Variants in CELF4 observed in about 807,000 individuals in gnomAD.
The protein encoded by CELF4 is CUGBP Elav-like family member 4, also known as CUG-BP- and ETR-3-like factor 4.
A neutral mutation model predicts 59.9 loss-of-function variants in CELF4; 18 were observed. The observed-to-expected ratio is 0.30, with a 90% CI of 0.21 to 0.45. The LOEUF (loss-of-function observed/expected upper bound fraction) is 0.45, where lower values mean the gene tolerates loss of function less well. Ranked by LOEUF, CELF4 falls within the 20% of genes least tolerant of loss-of-function variation. The pLI is 1.00. For synonymous variants in CELF4, 261 were observed against 267.1 expected (o/e 0.98, Z 0.22); for missense variants, 456 against 689.0 (o/e 0.66, Z 3.79).
chr18:37,413,559 G>A (rs76454268), intron 2 of CELF4, among the ~76,000 whole-genome samples: 2,510 of 152,250 alleles, frequency 0.016, 75 homozygotes, highest in African/African-American at 0.058. Flanking sequence ...TTTGGGCATC[G>A]CCTGTTCTAC....
chr18:37,512,281 G>A (rs1465033591), intron 1 of CELF4, among the ~76,000 whole-genome samples: 6 of 152,330 alleles, frequency 3.9e-5, no homozygotes, highest in African/African-American at 4.8e-5. Context: ...TGTGCTGAGC[G>A]TGATGGGGCC....
chr18:37,541,764 T>G (rs1342441669), intron 1 of CELF4, among the ~76,000 whole-genome samples: 2 of 151,912 alleles, frequency 1.3e-5, no homozygotes, highest in African/African-American at 2.4e-5. Flanking sequence ...TGCTGTTCTC[T>G]CTGCTGGAAG....
chr18:37,369,801 G>A lies in CELF4; in HGVS notation c.370-47920C>T, dbSNP rs75621067. On this transcript the variant is annotated intron_variant, in intron 2 of 12. Transcript: ENST00000420428. ...CTGTTCCAGCCAGGCCAGGCCATAC[G>A]CTCATCTCTGTGTTCATACTCTCTG... is the stretch of plus-strand genomic sequence containing the variant. Among the ~76,000 whole-genome samples the A allele has an allele frequency of 8.9e-3, 1,357 of 152,246 alleles. 30 individuals carry two copies. Among genetic ancestry groups the A allele is most frequent in the African/African-American group, 0.031 (1,308 of 41,530 alleles).
At chr18:37,428,404 C>T (rs1349063801) in intron 2 of CELF4, among the ~76,000 whole-genome samples, 1 of 152,068 alleles carries the variant, frequency 6.6e-6, no homozygotes, top group Non-Finnish European at 1.5e-5. Flanking sequence ...AAGTCACATT[C>T]CTGCTCTGGG....
At chr18:37,291,066 T>A (rs1242885534) in intron 3 of CELF4, among the ~76,000 whole-genome samples, 12 of 152,148 alleles carry the variant, frequency 7.9e-5, no homozygotes, top group African/African-American at 2.7e-4. Flanking sequence ...TGTGCCACGA[T>A]GCCTGGCTAA....
At chr18:37,441,273 CTGTGTGTGTGTGTG>C (rs36008798) in intron 2 of CELF4, among the ~76,000 whole-genome samples, 5 of 143,424 alleles carry the variant, frequency 3.5e-5, no homozygotes, top group South Asian at 4.8e-4. Flanking sequence ...CTCAACAATG[CTGTGTGTGTGTGTG>C]TGTGTGTGTG....
At chr18:37,521,287 C>A (rs1349035008) in intron 1 of CELF4, among the ~76,000 whole-genome samples, 1 of 152,130 alleles carries the variant, frequency 6.6e-6, no homozygotes, top group Non-Finnish European at 1.5e-5. Flanking sequence ...GGCACGAACA[C>A]AAATTAGCAC....
intron 2 of CELF4, among the ~76,000 whole-genome samples, chr18:37,446,151 G>T (rs1042201807): frequency 7.2e-5 from 11 of 152,204 alleles, no homozygotes; most frequent in African/African-American, 2.7e-4. Context: ...TAACGTGGGT[G>T]GTGGGGCTGT....
At chr18:37,473,050 G>A (rs879856525) in intron 2 of CELF4, among the ~76,000 whole-genome samples, 1 of 152,072 alleles carries the variant, frequency 6.6e-6, no homozygotes, top group Non-Finnish European at 1.5e-5. Context: ...ACTACCTTGT[G>A]GGACAGCCCA....
chr18:37,513,797 T>A (rs1233241640), intron 1 of CELF4, among the ~76,000 whole-genome samples: 1 of 152,152 alleles, frequency 6.6e-6, no homozygotes, highest in African/African-American at 2.4e-5. Flanking sequence ...TGCTCCCTCC[T>A]CTATGGAGCC....
intron 2 of CELF4, among the ~76,000 whole-genome samples, chr18:37,433,774 C>T (rs567649870): frequency 2.0e-5 from 3 of 152,188 alleles, no homozygotes; most frequent in East Asian, 3.9e-4. Context: ...TAAGTCTTCA[C>T]GATTCTGTCA....
At chr18:37,297,438 C>T (rs1053135260) in intron 3 of CELF4, among the ~76,000 whole-genome samples, 2 of 152,216 alleles carry the variant, frequency 1.3e-5, no homozygotes, top group Non-Finnish European at 2.9e-5. Flanking sequence ...GCAGCTGGCT[C>T]AGAGCCCTTG....
rs1182047699 is a variant in CELF4, at chr18:37,483,610, C to CA, written c.369+1914dup. On this transcript the variant is annotated intron_variant, in intron 2 of 12. Coordinates refer to ENST00000420428, the MANE Select transcript of CELF4 (RefSeq NM_020180.4). The stretch of plus-strand genomic sequence containing the variant: ...TTCAGAAAAATGCCACTGGATCTCC[C>CA]AGTATGAAGGATTAGCACAGATTAT... Among the ~76,000 whole-genome samples the CA allele has an allele frequency of 6.9e-4, 105 of 152,300 alleles. 1 individual carries two copies. Among genetic ancestry groups the CA allele is most frequent in the African/African-American group, 2.2e-3 (90 of 41,550 alleles).
chr18:37,459,661 C>G (rs993328267), intron 2 of CELF4, among the ~76,000 whole-genome samples: 1 of 152,146 alleles, frequency 6.6e-6, no homozygotes, highest in Admixed American at 6.5e-5. Context: ...TGACCTTGGC[C>G]TCAGAGTCTG....
At chr18:37,547,592 G>C (rs1205730118) in intron 1 of CELF4, among the ~76,000 whole-genome samples, 1 of 152,146 alleles carries the variant, frequency 6.6e-6, no homozygotes, top group Non-Finnish European at 1.5e-5. Context: ...GTGGGTTGAC[G>C]CAGAAGGGAG....
At chr18:37,327,659 G>C (rs906260273) in intron 2 of CELF4, among the ~76,000 whole-genome samples, 3 of 152,176 alleles carry the variant, frequency 2.0e-5, no homozygotes, top group African/African-American at 7.2e-5. Context: ...AAAAGCCAGG[G>C]GGGAGCGGGG....
At chr18:37,344,892 T>G (rs759089282) in intron 2 of CELF4, among the ~76,000 whole-genome samples, 1 of 152,190 alleles carries the variant, frequency 6.6e-6, no homozygotes, top group East Asian at 1.9e-4. Context: ...CACATGAAAA[T>G]CCTTGCCCTT....
chr18:37,320,104 G>A (rs1206708849), intron 3 of CELF4, among the ~76,000 whole-genome samples: 3 of 151,856 alleles, frequency 2.0e-5, no homozygotes, highest in Non-Finnish European at 2.9e-5. Flanking sequence ...TTGGGAGGCC[G>A]AGGCGGGCAG....
chr18:37,416,862 G>A (rs2099533199), intron 2 of CELF4, among the ~76,000 whole-genome samples: 3 of 152,212 alleles, frequency 2.0e-5, no homozygotes. Flanking sequence ...AGCAAGACAG[G>A]TGGAAATGCT....
Sources: allele counts gnomAD v4.1 joint callset (sites outside exome capture counted in the v4.1 genomes callset), GRCh38; gene constraint gnomAD v4.1.1; transcripts MANE v1.5; gene names NCBI Gene and HGNC (gene_info 2026-07-23, HGNC 2026-07-21).